The following PDE11A variants were observed in gnomAD, a reference collection of about 807,000 sequenced individuals.
PDE11A encodes the protein dual 3',5'-cyclic-AMP and -GMP phosphodiesterase 11A.
In PDE11A, 100 loss-of-function variants were observed where a neutral mutation model predicts 100.5. The ratio of observed to expected loss-of-function variants is 1.00; its 90% confidence interval spans 0.85 to 1.18. PDE11A has a LOEUF of 1.18. Ranked by LOEUF, PDE11A falls within the 50% of genes most tolerant of loss-of-function variation. The pLI, the probability that PDE11A is intolerant of heterozygous loss-of-function variation, is 0.00. For missense variants in PDE11A, 1,141 were observed against 1,152.6 expected, an observed-to-expected ratio of 0.99 and a Z score of 0.15; for synonymous variants, 381 against 420.8, an observed-to-expected ratio of 0.91 and a Z score of 1.16.
intron 6 of PDE11A, among the ~76,000 whole-genome samples, chr2:177,821,679 G>A (rs907955568): frequency 2.0e-4 from 30 of 151,814 alleles, no homozygotes; most frequent in Admixed American, 7.9e-4. Context: ...TAGATATGTG[G>A]TTATATCTCC....
At chr2:177,638,060 C>T (rs1194774771) in intron 19 of PDE11A, among the ~76,000 whole-genome samples, 8 of 139,448 alleles carry the variant, frequency 5.7e-5, no homozygotes, top group Non-Finnish European at 9.1e-5. Flanking sequence ...AGTGCAGTGG[C>T]GCGATCTCCG....
chr2:177,849,789 C>CAAA (rs71010822), intron 5 of PDE11A, among the ~76,000 whole-genome samples: 2 of 143,546 alleles, frequency 1.4e-5, no homozygotes, highest in Admixed American at 6.9e-5. Flanking sequence ...GACTCCATCT[C>CAAA]AAAAAAAAAA....
rs570998019 is a variant in PDE11A at position 177,900,198 on chromosome 2, C to T, written c.1162-2000G>A. On this transcript the variant is annotated intron_variant, in intron 3 of 19. Coordinates refer to ENST00000286063, the MANE Select transcript of PDE11A (RefSeq NM_016953.4). ...TTATGTACAGGTGGTAGACATTATG[C>T]TTCTCTCAGAGAGCAATCAGAAAAT... Among the ~76,000 whole-genome samples the T allele has an allele frequency of 3.3e-5, 5 of 152,310 alleles. No individual in the cohort carries two copies. The South Asian group carries it at 1.0e-3, about 32-fold the overall frequency.
intron 1 of PDE11A, among the ~76,000 whole-genome samples, chr2:178,045,207 T>C (rs932186598): frequency 3.9e-5 from 6 of 152,322 alleles, no homozygotes; most frequent in Admixed American, 6.5e-5. Context: ...GTATAAGACC[T>C]GCATAGAGCA....
At chr2:177,752,092 C>A (rs1331492149) in intron 10 of PDE11A, among the ~76,000 whole-genome samples, 1 of 152,184 alleles carries the variant, frequency 6.6e-6, no homozygotes, top group Non-Finnish European at 1.5e-5. Flanking sequence ...GTGAAAAACT[C>A]CAGCCTGAGA....
At chr2:177,690,369 T>C (rs1380684176) in intron 15 of PDE11A, among the ~76,000 whole-genome samples, 1 of 152,200 alleles carries the variant, frequency 6.6e-6, no homozygotes, top group Non-Finnish European at 1.5e-5. Flanking sequence ...CTTTCCAGTA[T>C]GGGGTTGGTT....
intron 9 of PDE11A, among the ~76,000 whole-genome samples, chr2:177,784,078 C>T (rs916703788): frequency 2.6e-5 from 4 of 151,788 alleles, no homozygotes; most frequent in East Asian, 1.9e-4. Flanking sequence ...CAGGATGAAG[C>T]AGTTACAGAA....
intron 13 of PDE11A, among the ~76,000 whole-genome samples, chr2:177,708,895 C>A (rs773269517): frequency 1.3e-5 from 2 of 152,194 alleles, no homozygotes; most frequent in African/African-American, 2.4e-5. Context: ...GGAAAAGGCA[C>A]AACCAGGGCA....
At chr2:177,761,818 A>G (rs2082174249) in intron 10 of PDE11A, among the ~76,000 whole-genome samples, 1 of 152,236 alleles carries the variant, frequency 6.6e-6, no homozygotes, top group Non-Finnish European at 1.5e-5. Flanking sequence ...GAGCATGGGA[A>G]ACAGGCTGGA....
At chr2:177,762,259 T>G (rs774414768) in intron 10 of PDE11A, among the ~76,000 whole-genome samples, 5 of 152,174 alleles carry the variant, frequency 3.3e-5, no homozygotes, top group South Asian at 4.1e-4. Flanking sequence ...CGTAGCTCTG[T>G]GCACACTGAA....
chr2:177,894,370 C>A (rs1190379033), intron 4 of PDE11A, among the ~76,000 whole-genome samples: 2 of 152,172 alleles, frequency 1.3e-5, no homozygotes, highest in African/African-American at 4.8e-5. Context: ...TAATACTGAG[C>A]AGATTAATAT....
intron 1 of PDE11A, among the ~76,000 whole-genome samples, chr2:178,050,279 G>A (rs2105856475): frequency 6.6e-6 from 1 of 152,336 alleles, no homozygotes; most frequent in East Asian, 1.9e-4. Flanking sequence ...CAGACCTGCA[G>A]CAGAGGGTCC....
intron 13 of PDE11A, among the ~76,000 whole-genome samples, chr2:177,704,427 CT>C (rs113195643): frequency 0.017 from 2,594 of 152,022 alleles, 67 homozygotes; most frequent in African/African-American, 0.059. Flanking sequence ...GATTTGGCCC[CT>C]GGCAGATTTT....
At chr2:177,666,601 T>C (rs988235560) in intron 18 of PDE11A, among the ~76,000 whole-genome samples, 1 of 152,238 alleles carries the variant, frequency 6.6e-6, no homozygotes, top group African/African-American at 2.4e-5. Flanking sequence ...TTAGTGGCTG[T>C]GAAGTGATAT....
At chr2:178,051,060 T>G (rs1398132722) in intron 1 of PDE11A, among the ~76,000 whole-genome samples, 1 of 96,442 alleles carries the variant, frequency 1.0e-5, no homozygotes, top group Non-Finnish European at 2.2e-5. Context: ...AATTAACAGA[T>G]TCACCAAAGT....
rs368608138 is a variant in PDE11A at position 178,071,780 on chromosome 2, T to C, written c.658A>G (p.Ser220Gly). The change falls in exon 1 of 20, where the codon AGC (serine) becomes GGC (glycine). Residue 220 changes from serine (S) to glycine (G), a missense_variant. Ser to Gly is a moderately conservative substitution (Grantham distance 56). Transcript: ENST00000286063. ...AAGATGAGAATCTTGTAGCTCAGGC[T>C]GGTGAGGTCAAGGTCATTGGAGATA... ...KDISNDLDLT[S>G]LSYKILIFVC... is the part of the protein sequence containing the mutation. 1.1e-5 allele frequency: 18 copies of C among 1,613,600 alleles called. No individual in the cohort carries two copies. Among genetic ancestry groups the C allele is most frequent in the Non-Finnish European group, 1.5e-5 (18 of 1,179,610 alleles).
At chr2:177,689,768 A>G (rs1031372985) in intron 15 of PDE11A, among the ~76,000 whole-genome samples, 1 of 152,202 alleles carries the variant, frequency 6.6e-6, no homozygotes, top group Non-Finnish European at 1.5e-5. Flanking sequence ...AAACCGGCAA[A>G]ATGCAGGAAG....
chr2:177,852,282 C>G (rs561981392), intron 5 of PDE11A, among the ~76,000 whole-genome samples: 47 of 152,262 alleles, frequency 3.1e-4, no homozygotes, highest in Non-Finnish European at 5.7e-4. Context: ...GCCCTTCTGA[C>G]AGCTTGAGTG....
chr2:178,102,434 T>C (rs939178672), intron 2 of PDE11A, among the ~76,000 whole-genome samples: 1 of 144,538 alleles, frequency 6.9e-6, no homozygotes, highest in Non-Finnish European at 1.5e-5. Flanking sequence ...CTAAGTTTTT[T>C]TTTTTTTTTT....
Sources: gnomAD v4.1 joint callset for allele counts (sites outside exome capture counted in the v4.1 genomes callset) on GRCh38, gnomAD v4.1.1 for gene constraint, MANE v1.5 for transcripts, NCBI Gene and HGNC (gene_info 2026-07-23, HGNC 2026-07-21) for gene names.